The following PHF2 variants were observed in gnomAD, a reference collection of about 807,000 sequenced individuals.
PHF2 encodes lysine-specific demethylase PHF2.
PHF2 carries 27 observed loss-of-function variants against 120.5 expected under a neutral mutation model. The observed-to-expected ratio is 0.22, with a 90% CI of 0.17 to 0.31. The LOEUF is 0.31. Among genes scored for constraint, PHF2 ranks in the 10% least tolerant of loss-of-function variants. PHF2 has a pLI of 1.00. For missense variants in PHF2, 1,024 were observed against 1,434.8 expected (o/e 0.71, Z 4.63); for synonymous variants, 568 against 592.5 (o/e 0.96, Z 0.60).
chr9:93,637,336 T>A (rs957724818), intron 3 of PHF2, among the ~76,000 whole-genome samples: 5 of 152,242 alleles, frequency 3.3e-5, no homozygotes, highest in African/African-American at 1.2e-4. Flanking sequence ...ATAATACAGT[T>A]CACCCATTTA....
At chr9:93,625,344 G>A (rs1177752393) in intron 1 of PHF2, among the ~76,000 whole-genome samples, 1 of 151,824 alleles carries the variant, frequency 6.6e-6, no homozygotes, top group Non-Finnish European at 1.5e-5. Context: ...ATATTCCATT[G>A]TATATACAGA....
At chr9:93,646,534 C>G (rs1312484476) in intron 4 of PHF2, among the ~76,000 whole-genome samples, 1 of 152,230 alleles carries the variant, frequency 6.6e-6, no homozygotes. Context: ...GGTGGGCAGG[C>G]AGGCACACTG....
chr9:93,670,406 C>A (rs1033924175), intron 17 of PHF2, among the ~76,000 whole-genome samples: 2 of 152,214 alleles, frequency 1.3e-5, no homozygotes, highest in African/African-American at 4.8e-5. Context: ...AAGCCTGGGG[C>A]ACCTGTCCTG....
chr9:93,625,097 A>G (rs1587690088), intron 1 of PHF2, among the ~76,000 whole-genome samples: 1 of 151,670 alleles, frequency 6.6e-6, no homozygotes, highest in South Asian at 2.1e-4. Context: ...TCCAAAGGAA[A>G]CTCCACACCC....
chr9:93,645,197 C>T (rs1187858926), intron 3 of PHF2, among the ~76,000 whole-genome samples: 4 of 152,212 alleles, frequency 2.6e-5, no homozygotes, highest in Non-Finnish European at 4.4e-5. Context: ...GATTCGGTGG[C>T]CCTGCCATGG....
chr9:93,668,829 C>T (rs994985892), intron 17 of PHF2, among the ~76,000 whole-genome samples: 6 of 152,242 alleles, frequency 3.9e-5, no homozygotes, highest in Admixed American at 2.6e-4. Flanking sequence ...CTGAGGCCGC[C>T]GGCCCCCCTC....
At chr9:93,657,022 G>A (rs1826473675) in intron 9 of PHF2, among the ~76,000 whole-genome samples, 1 of 152,066 alleles carries the variant, frequency 6.6e-6, no homozygotes, top group Non-Finnish European at 1.5e-5. Context: ...CGTGAGGCAG[G>A]CTTGTGGCTC....
In PHF2 at chr9:93,677,078, G is replaced by C. The variant is rs1190086242; in HGVS notation, c.3202+115G>C. ...AGGGCAGCACATTGGGAGGGCTCCT[G>C]GGCCTTGGGTGGCAGGGTGCTGTGG... On this transcript the variant is annotated intron_variant, in intron 21 of 21. Transcript: ENST00000359246. This position sits in a 1 kb window ranked among gnomAD's most constrained non-coding sequence, Gnocchi z 4.4. 2 of 1,194,712 alleles carry C rather than the reference G, an allele frequency of 1.7e-6. No individual in the cohort carries two copies. The highest frequency in any genetic ancestry group is 2.3e-6 in the Non-Finnish European group (2 of 873,000). The allele number at this position is 1,194,712 out of a possible 1,614,324, so 74.0% of individuals were successfully genotyped here.
chr9:93,647,696 C>A (rs994478161), intron 4 of PHF2, among the ~76,000 whole-genome samples: 1 of 152,106 alleles, frequency 6.6e-6, no homozygotes, highest in Admixed American at 6.5e-5. Flanking sequence ...TCGAGACCAG[C>A]CTGGCCAACA....
chr9:93,613,639 A>T (rs1193013259), intron 1 of PHF2, among the ~76,000 whole-genome samples: 1 of 150,066 alleles, frequency 6.7e-6, no homozygotes, highest in Non-Finnish European at 1.5e-5. Context: ...AACTCACTGC[A>T]GCCTCAAACT....
Position 93,597,478 on chromosome 9 carries a change from C to T in PHF2, c.98+20607C>T, listed in dbSNP as rs1825356732. Among the ~76,000 whole-genome samples the T allele has an allele frequency of 3.3e-5, 5 of 152,058 alleles. 1 individual carries two copies. In the Middle Eastern group the frequency reaches 0.017, roughly 517 times the overall value. On this transcript the variant is annotated intron_variant, in intron 1 of 21. Transcript: ENST00000359246. The stretch of plus-strand genomic sequence containing the variant: ...TGTCAGGAAAGGAGAGCATGGTGGG[C>T]TGACCTGGTTGAGAGTGTAGGGCCC...
chr9:93,631,243 G>T (rs1182384586), intron 2 of PHF2, among the ~76,000 whole-genome samples: 1 of 152,190 alleles, frequency 6.6e-6, no homozygotes, highest in Non-Finnish European at 1.5e-5. Context: ...CTCTTTCTTG[G>T]CCTCTCCCAA....
intron 1 of PHF2, among the ~76,000 whole-genome samples, chr9:93,592,130 G>A (rs1564373556): frequency 6.6e-6 from 1 of 152,208 alleles, no homozygotes; most frequent in Non-Finnish European, 1.5e-5. Context: ...TGTGATGGGT[G>A]GCAGGGCCAG....
intron 1 of PHF2, among the ~76,000 whole-genome samples, chr9:93,598,815 C>T (rs1825379611): frequency 6.6e-6 from 1 of 152,160 alleles, no homozygotes; most frequent in African/African-American, 2.4e-5. Context: ...TTAATCACCT[C>T]CAGCTCATAC....
chr9:93,593,465 C>T (rs1825273018), intron 1 of PHF2, among the ~76,000 whole-genome samples: 1 of 152,216 alleles, frequency 6.6e-6, no homozygotes, highest in South Asian at 2.1e-4. Context: ...GAGATATTTG[C>T]TCTACATCTG....
At chr9:93,608,497 G>A (rs1825582550) in intron 1 of PHF2, among the ~76,000 whole-genome samples, 1 of 151,482 alleles carries the variant, frequency 6.6e-6, no homozygotes, top group African/African-American at 2.4e-5. Flanking sequence ...TCTATCATCT[G>A]AAAGAGACTG....
chr9:93,629,797 A>C (rs1825969464), intron 1 of PHF2, among the ~76,000 whole-genome samples, 173 bp from the exon 2 acceptor site: 1 of 150,992 alleles, frequency 6.6e-6, no homozygotes, highest in Non-Finnish European at 1.5e-5. Context: ...ACATCTCTGC[A>C]GCTCTTTCCC....
chr9:93,660,861 T>C (rs1826553462), intron 12 of PHF2, among the ~76,000 whole-genome samples: 1 of 151,974 alleles, frequency 6.6e-6, no homozygotes, highest in East Asian at 1.9e-4. Context: ...GGCAACACAA[T>C]GTGTGTGTGC....
chr9:93,603,772 G>A (rs150837758), intron 1 of PHF2, among the ~76,000 whole-genome samples: 42 of 152,296 alleles, frequency 2.8e-4, no homozygotes, highest in Admixed American at 5.9e-4. Context: ...ACCTGGGGAA[G>A]CCTCATTCAT....
Sources: allele counts gnomAD v4.1 joint callset (sites outside exome capture counted in the v4.1 genomes callset), GRCh38; gene constraint gnomAD v4.1.1; non-coding constraint Gnocchi (gnomAD v3.1); transcripts MANE v1.5; gene names NCBI Gene and HGNC (gene_info 2026-07-23, HGNC 2026-07-21).